Variants in MAST4 observed in about 807,000 individuals in gnomAD.
MAST4 encodes the protein microtubule-associated serine/threonine-protein kinase 4.
MAST4 carries 89 observed loss-of-function variants against 162.7 expected under a neutral mutation model. That is an observed-to-expected ratio of 0.55 (90% CI 0.46 to 0.65). The LOEUF is 0.65. MAST4 is among the 30% of genes least tolerant of loss of function. The pLI is 0.00. For synonymous variants in MAST4, 1,479 were observed against 1,361.1 expected (o/e 1.09, Z -1.91); for missense variants, 3,153 against 3,374.0 (o/e 0.93, Z 1.62).
intron 4 of MAST4, among the ~76,000 whole-genome samples, chr5:67,024,343 A>C (rs1344153060): frequency 7.0e-6 from 1 of 143,516 alleles, no homozygotes; most frequent in East Asian, 2.0e-4. Context: ...ATATACACAC[A>C]CACACACACA....
chr5:66,722,109 C>T (rs1358591010), intron 1 of MAST4, among the ~76,000 whole-genome samples: 1 of 152,096 alleles, frequency 6.6e-6, no homozygotes, highest in Non-Finnish European at 1.5e-5. Context: ...CCAGAGTGAT[C>T]CTTTTGAGAT....
At chr5:66,903,438 TTGTGTGTGTG>T (rs3042310) in intron 4 of MAST4, among the ~76,000 whole-genome samples, 2,022 of 148,718 alleles carry the variant, frequency 0.014, 36 homozygotes, top group South Asian at 0.055. Flanking sequence ...ACACCTGTGT[TTGTGTGTGTG>T]TGTGTGTGTG....
chr5:67,109,693 C>T (rs1461259578), intron 10 of MAST4, among the ~76,000 whole-genome samples: 1 of 152,020 alleles, frequency 6.6e-6, no homozygotes, highest in African/African-American at 2.4e-5. Context: ...TAAAAGCAGC[C>T]CTTCACTTTC....
chr5:67,054,537 GT>G, intron 5 of MAST4, 45 bp downstream of exon 5: 1 of 1,505,752 alleles, frequency 6.6e-7, no homozygotes, highest in Non-Finnish European at 9.0e-7. Flanking sequence ...TTCTTTATTT[GT>G]TGGTTTTTTA....
At chr5:67,151,767 C>CT (rs1163541260) in intron 24 of MAST4, among the ~76,000 whole-genome samples, 3,292 of 115,548 alleles carry the variant, frequency 0.028, 53 homozygotes, top group African/African-American at 0.04. Context: ...TTCTTTTTTT[C>CT]TTTTTTTTTT....
chr5:66,686,535 C>G (rs1375126944), intron 1 of MAST4, among the ~76,000 whole-genome samples: 1 of 152,094 alleles, frequency 6.6e-6, no homozygotes, highest in African/African-American at 2.4e-5. Context: ...CAGCCATTCC[C>G]CATGAGGACA....
chr5:66,889,580 T>C (rs1237018147), intron 3 of MAST4, among the ~76,000 whole-genome samples: 1 of 152,218 alleles, frequency 6.6e-6, no homozygotes, highest in East Asian at 1.9e-4. Flanking sequence ...TTCACAGCCC[T>C]TTGCCCAGGT....
intron 11 of MAST4, among the ~76,000 whole-genome samples, chr5:67,112,210 T>C (rs1456674221): frequency 6.6e-6 from 1 of 152,188 alleles, no homozygotes. Context: ...TAAGCATAAT[T>C]GTTTACAACA....
At chr5:66,818,647 A>G (rs910635759) in intron 3 of MAST4, among the ~76,000 whole-genome samples, 2 of 151,968 alleles carry the variant, frequency 1.3e-5, no homozygotes, top group Non-Finnish European at 2.9e-5. Context: ...GTACGTGCAC[A>G]TTTGGTTTTT....
chr5:66,693,060 G>A (rs78661466), intron 1 of MAST4, among the ~76,000 whole-genome samples: 2 of 150,164 alleles, frequency 1.3e-5, no homozygotes, highest in African/African-American at 4.9e-5. Context: ...TAGTACAAAG[G>A]TTACAAAATT....
chr5:67,163,310 C>T lies in MAST4; in HGVS notation c.4131C>T (p.Ser1377=), dbSNP rs556919824. The T allele has an allele frequency of 9.3e-6, 15 of 1,613,142 alleles. No homozygotes were observed. In the South Asian group the frequency reaches 1.3e-4, roughly 14 times the overall value. ...AGTCCGCCGGCAACATCCCACTGTC[C>T]CCGCTGGCCCGGACGCCCTCTCCAA... is the stretch of plus-strand genomic sequence containing the variant. ...RRKSAGNIPL[S]PLARTPSPTP... is the part of the protein sequence containing the mutation. The change falls in exon 29 of 29, where the codon TCC becomes TCT. Residue 1377 remains serine, a synonymous_variant. Transcript: ENST00000403625. The surrounding 1 kb of genome is among the most constrained non-coding windows in gnomAD (Gnocchi z 7.0).
At chr5:66,973,395 T>C (rs1273344839) in intron 4 of MAST4, among the ~76,000 whole-genome samples, 1 of 152,200 alleles carries the variant, frequency 6.6e-6, no homozygotes, top group Non-Finnish European at 1.5e-5. Flanking sequence ...ACTGTCTTTC[T>C]TCTTCCCTCA....
chr5:66,671,721 A>C (rs1393673400), intron 1 of MAST4, among the ~76,000 whole-genome samples: 1 of 152,240 alleles, frequency 6.6e-6, no homozygotes, highest in Non-Finnish European at 1.5e-5. Context: ...ACTGGGCAAC[A>C]GTGATGAGAG....
At chr5:66,795,128 T>G (rs1755588804) in intron 3 of MAST4, among the ~76,000 whole-genome samples, 1 of 152,174 alleles carries the variant, frequency 6.6e-6, no homozygotes, top group Non-Finnish European at 1.5e-5. Context: ...ATTAGTTAAC[T>G]CTGAGAGAGT....
chr5:67,103,835 C>T (rs1253953518), intron 9 of MAST4, among the ~76,000 whole-genome samples: 1 of 152,110 alleles, frequency 6.6e-6, no homozygotes, highest in Non-Finnish European at 1.5e-5. Context: ...TTGGACAGTC[C>T]ATCTGAAAGA....
At chr5:66,642,463 A>G (rs1220214357) in intron 1 of MAST4, among the ~76,000 whole-genome samples, 2 of 152,216 alleles carry the variant, frequency 1.3e-5, no homozygotes, top group Non-Finnish European at 2.9e-5. Context: ...GATATTTGAT[A>G]TTAAGGAATT....
intron 1 of MAST4, among the ~76,000 whole-genome samples, chr5:66,602,247 C>T (rs914869512): frequency 1.3e-5 from 2 of 152,046 alleles, no homozygotes; most frequent in African/African-American, 4.8e-5. Context: ...CTGGGGTGAG[C>T]ATGAAGGGAG....
At chr5:66,887,136 C>T (rs1448850552) in intron 3 of MAST4, among the ~76,000 whole-genome samples, 2 of 152,160 alleles carry the variant, frequency 1.3e-5, no homozygotes, top group African/African-American at 2.4e-5. Context: ...AATGTGATGC[C>T]ATTAAGCTTG....
intron 4 of MAST4, among the ~76,000 whole-genome samples, chr5:67,024,373 A>T (rs2084732818): frequency 6.7e-6 from 1 of 148,668 alleles, no homozygotes; most frequent in Non-Finnish European, 1.5e-5. Context: ...ATAGCTATAT[A>T]TGTACACACA....
Sources: allele counts gnomAD v4.1 joint callset (sites outside exome capture counted in the v4.1 genomes callset), GRCh38; gene constraint gnomAD v4.1.1; non-coding constraint Gnocchi (gnomAD v3.1); transcripts MANE v1.5; gene names NCBI Gene and HGNC (gene_info 2026-07-23, HGNC 2026-07-21).